PPARGC1A: variants seen among roughly 807,000 people sequenced by gnomAD.
PPARGC1A encodes PPARG coactivator 1 alpha.
PPARGC1A carries 25 observed loss-of-function variants against 88.7 expected under a neutral mutation model. That is an observed-to-expected ratio of 0.28 (90% confidence interval 0.21 to 0.39). PPARGC1A has a LOEUF of 0.39. PPARGC1A is among the 10% of genes least tolerant of loss of function. The pLI, the probability that PPARGC1A is intolerant of heterozygous loss-of-function variation, is 1.00. For missense variants in PPARGC1A, 880 were observed against 968.7 expected (o/e 0.91, Z 1.22); for synonymous variants, 363 against 355.6 (o/e 1.02, Z -0.24).
the PPARGC1A span, among the ~76,000 whole-genome samples, chr4:24,294,750 G>T: frequency 6.6e-6 from 1 of 152,156 alleles, no homozygotes; most frequent in African/African-American, 2.4e-5. Context: ...CCAGGCAAAC[G>T]TTTCCTTTTA....
chr4:24,172,071 C>T, the PPARGC1A span, among the ~76,000 whole-genome samples: 6 of 152,108 alleles, frequency 3.9e-5, no homozygotes, highest in Non-Finnish European at 8.8e-5. Context: ...GGAGAACAGC[C>T]TCCAACAGCA....
chr4:24,330,529 C>T, the PPARGC1A span, among the ~76,000 whole-genome samples: 1 of 152,166 alleles, frequency 6.6e-6, no homozygotes, highest in African/African-American at 2.4e-5. Flanking sequence ...GTGGAGCCTT[C>T]AGCTGACTCC....
chr4:24,004,144 G>A, the PPARGC1A span, among the ~76,000 whole-genome samples: 3 of 152,152 alleles, frequency 2.0e-5, no homozygotes, highest in African/African-American at 7.2e-5. Flanking sequence ...TGGAATTCAC[G>A]CCATCTGTGT....
intron 10 of PPARGC1A, among the ~76,000 whole-genome samples, chr4:23,805,230 G>GA (rs202037885): frequency 0.068 from 9,357 of 138,412 alleles, 301 homozygotes; most frequent in South Asian, 0.14. Flanking sequence ...TTTTATCACA[G>GA]AAAAAAAAAA....
upstream of PPARGC1A, among the ~76,000 whole-genome samples, chr4:23,900,696 T>G (rs765684482): frequency 1.3e-5 from 2 of 152,204 alleles, no homozygotes; most frequent in Admixed American, 1.3e-4. Context: ...TTAAGTCCTA[T>G]AGTAAGTCGA....
the PPARGC1A span, among the ~76,000 whole-genome samples, chr4:24,323,840 A>G: frequency 2.0e-5 from 3 of 152,104 alleles, no homozygotes; most frequent in African/African-American, 7.2e-5. Flanking sequence ...CAGCCCAAGA[A>G]ACATCTCACC....
chr4:24,143,412 G>A, the PPARGC1A span, among the ~76,000 whole-genome samples: 17 of 152,196 alleles, frequency 1.1e-4, no homozygotes, highest in Non-Finnish European at 2.5e-4. Context: ...AGAAGAGCCA[G>A]TTTAGGAGAC....
the PPARGC1A span, among the ~76,000 whole-genome samples, chr4:24,433,583 C>A: frequency 6.6e-6 from 1 of 152,114 alleles, no homozygotes; most frequent in Non-Finnish European, 1.5e-5. Context: ...TGCCTCTTGC[C>A]TAAAGGATTA....
At chr4:24,002,277 G>A in the PPARGC1A span, among the ~76,000 whole-genome samples, 3 of 152,080 alleles carry the variant, frequency 2.0e-5, no homozygotes, top group South Asian at 2.1e-4. Flanking sequence ...ACAAGCATGC[G>A]CCACCACACC....
At chr4:24,334,885 A>AT in the PPARGC1A span, among the ~76,000 whole-genome samples, 11 of 152,286 alleles carry the variant, frequency 7.2e-5, no homozygotes, top group South Asian at 1.9e-3. Flanking sequence ...GATTCAGTGT[A>AT]TTTTGATTTC....
chr4:23,940,525 G>A, the PPARGC1A span, among the ~76,000 whole-genome samples: 6 of 152,134 alleles, frequency 3.9e-5, no homozygotes, highest in African/African-American at 1.2e-4. Flanking sequence ...CTGCTATCAT[G>A]TTAAAAACAA....
chr4:24,033,606 A>T, the PPARGC1A span, among the ~76,000 whole-genome samples: 1 of 152,218 alleles, frequency 6.6e-6, no homozygotes, highest in Non-Finnish European at 1.5e-5. Flanking sequence ...CTTGTCTCTG[A>T]CATAAGCCAC....
the PPARGC1A span, among the ~76,000 whole-genome samples, chr4:24,183,419 C>T: frequency 6.6e-6 from 1 of 152,204 alleles, no homozygotes; most frequent in Non-Finnish European, 1.5e-5. Flanking sequence ...GTTATGTCGC[C>T]TTCCAACCAC....
the PPARGC1A span, among the ~76,000 whole-genome samples, chr4:24,002,068 TCACACACA>T: frequency 4.1e-5 from 5 of 122,950 alleles, no homozygotes; most frequent in South Asian, 9.1e-4. Flanking sequence ...GATGATAAAT[TCACACACA>T]CACACACACA....
the PPARGC1A span, among the ~76,000 whole-genome samples, chr4:24,377,374 A>C: frequency 6.6e-6 from 1 of 152,094 alleles, no homozygotes; most frequent in African/African-American, 2.4e-5. Context: ...TACATAAATA[A>C]ATAAATAGAA....
At chr4:24,234,799 T>G in the PPARGC1A span, among the ~76,000 whole-genome samples, 1 of 152,184 alleles carries the variant, frequency 6.6e-6, no homozygotes, top group Non-Finnish European at 1.5e-5. Flanking sequence ...CAGTGATCAC[T>G]GGCTCAGCTC....
chr4:23,982,510 C>T, the PPARGC1A span, among the ~76,000 whole-genome samples: 1 of 152,274 alleles, frequency 6.6e-6, no homozygotes, highest in Non-Finnish European at 1.5e-5. Flanking sequence ...GGCCACACTC[C>T]ACTACAAGAA....
At chr4:23,889,446 A>AG (rs1483950667) in intron 1 of PPARGC1A, 1 of 895,724 alleles carries the variant, frequency 1.1e-6, no homozygotes, top group Non-Finnish European at 1.3e-6. Context: ...ACAGAGAGAG[A>AG]GGGGGGAAAA....
At chr4:23,933,402 GAGTA>G in the PPARGC1A span, among the ~76,000 whole-genome samples, 25 of 152,152 alleles carry the variant, frequency 1.6e-4, no homozygotes, top group Non-Finnish European at 1.0e-4. Flanking sequence ...TTGCTTCCAG[GAGTA>G]AGTGTTTGCA....
Sources: allele counts gnomAD v4.1 joint callset (sites outside exome capture counted in the v4.1 genomes callset), GRCh38; gene constraint gnomAD v4.1.1; transcripts MANE v1.5; gene names NCBI Gene and HGNC (gene_info 2026-07-23, HGNC 2026-07-21).